The following DPY19L1 variants were observed in gnomAD, a reference collection of about 807,000 sequenced individuals.
DPY19L1 encodes dpy-19 like C-mannosyltransferase 1, also known as protein C-mannosyl-transferase DPY19L1.
In DPY19L1, 35 loss-of-function variants were observed where a neutral mutation model predicts 96.9. That is an observed-to-expected ratio of 0.36 (90% CI 0.28 to 0.48). The LOEUF (loss-of-function observed/expected upper bound fraction) is 0.48. Among genes scored for constraint, DPY19L1 ranks in the 20% least tolerant of loss-of-function variants. The probability of loss-of-function intolerance (pLI) is 0.99; values close to 1 mark genes in which losing one functional copy is unlikely to be tolerated. For synonymous variants in DPY19L1, 205 were observed against 252.6 expected (o/e 0.81, Z 1.79); for missense variants, 521 against 777.9 (o/e 0.67, Z 3.93).
intron 3 of DPY19L1, among the ~76,000 whole-genome samples, chr7:35,016,728 C>A (rs1404969772): frequency 1.3e-5 from 2 of 152,118 alleles, no homozygotes; most frequent in Non-Finnish European, 2.9e-5. Context: ...GTATACAGCA[C>A]CACCTAGGAA....
rs534441651 is a variant in DPY19L1 at position 35,005,801 on chromosome 7, A to G, written c.764+4667T>C. ...ACTCCAGCCTGGGCAACAGAGTGAGATTTCGTCTCAAAAAAAAAAAAAGTT... is the reference window on the plus strand; with the variant it reads ...ACTCCAGCCTGGGCAACAGAGTGAGGTTTCGTCTCAAAAAAAAAAAAAGTT... On this transcript the variant is annotated intron_variant, in intron 6 of 21. Coordinates refer to ENST00000638088, the MANE Select transcript of DPY19L1 (RefSeq NM_001366673.1). Among the ~76,000 whole-genome samples the G allele has an allele frequency of 2.2e-5, 3 of 137,064 alleles. No homozygotes were observed. The East Asian group carries it at 6.2e-4, about 28-fold the overall frequency. The allele number at this position is 137,064 out of a possible 152,430, so 89.9% of individuals were successfully genotyped here.
At chr7:34,961,311 G>C (rs1476210896) in intron 10 of DPY19L1, among the ~76,000 whole-genome samples, 1 of 152,030 alleles carries the variant, frequency 6.6e-6, no homozygotes, top group Non-Finnish European at 1.5e-5. Flanking sequence ...ACAGATCAAG[G>C]GAACAAAATA....
chr7:34,932,039 A>C (rs34489172), intron 21 of DPY19L1, among the ~76,000 whole-genome samples: 8,100 of 152,290 alleles, frequency 0.053, 297 homozygotes, highest in Middle Eastern at 0.18. Flanking sequence ...GGTTCTGGGC[A>C]GGTAGCTTCC....
intron 7 of DPY19L1, among the ~76,000 whole-genome samples, chr7:34,985,287 C>A (rs1202526193): frequency 6.6e-6 from 1 of 152,076 alleles, no homozygotes; most frequent in African/African-American, 2.4e-5. Flanking sequence ...TTGGATAAGA[C>A]TGCAAAAGCA....
At chr7:34,999,056 C>T (rs1005377115) in intron 6 of DPY19L1, among the ~76,000 whole-genome samples, 2 of 152,148 alleles carry the variant, frequency 1.3e-5, no homozygotes, top group African/African-American at 2.4e-5. Flanking sequence ...AAGAGAATGT[C>T]ATTAGGGAAA....
At chr7:34,987,803 G>C (rs188938743) in intron 7 of DPY19L1, among the ~76,000 whole-genome samples, 20 of 151,800 alleles carry the variant, frequency 1.3e-4, no homozygotes, top group Non-Finnish European at 1.5e-4. Context: ...TACCTAAAAC[G>C]AAAATATGTT....
intron 11 of DPY19L1, among the ~76,000 whole-genome samples, chr7:34,957,645 G>C (rs1784406871): frequency 1.3e-5 from 2 of 152,114 alleles, no homozygotes; most frequent in Admixed American, 6.6e-5. Context: ...AGTAACCAAG[G>C]CCTTGATCTT....
intron 10 of DPY19L1, among the ~76,000 whole-genome samples, chr7:34,966,424 A>C (rs1226645337): frequency 6.6e-6 from 1 of 152,000 alleles, no homozygotes; most frequent in African/African-American, 2.4e-5. Context: ...CAACTTCCTA[A>C]GTAGCTAGTA....
chr7:34,988,062 A>G (rs569270405), intron 7 of DPY19L1: 23 of 152,234 alleles, frequency 1.5e-4, no homozygotes, highest in Admixed American at 5.2e-4. Context: ...CTGAAAAGCC[A>G]GTTGAATAGT....
chr7:34,937,994 T>C lies in DPY19L1; in HGVS notation c.2090A>G (p.Lys697Arg). 6.2e-7 allele frequency: 1 copy of C among 1,613,048 alleles called. No individual in the cohort carries two copies. Among genetic ancestry groups the C allele is most frequent in the Non-Finnish European group, 8.5e-7 (1 of 1,179,644 alleles). ...AAATGTTAACTGTGTTGATACTCAC[T>C]TGGATCTTCTTACACACCATGACTC... is the stretch of plus-strand genomic sequence containing the variant. ...LEESWCVRRS[K>R]PGCSMPEIWD... Residue 697 changes from lysine (K) to arginine (R), a missense_variant and splice_region_variant, in exon 21 of 22, where the codon AAG becomes AGG. Lys to Arg is a conservative substitution (Grantham distance 26). Transcript: ENST00000638088.
chr7:34,966,306 CT>C (rs1222800842), intron 10 of DPY19L1, among the ~76,000 whole-genome samples: 2 of 151,868 alleles, frequency 1.3e-5, no homozygotes, highest in East Asian at 3.9e-4. Context: ...AACTTTTTTT[CT>C]TTTTTGTAGA....
intron 3 of DPY19L1, among the ~76,000 whole-genome samples, chr7:35,014,269 C>T (rs1265198548): frequency 6.6e-6 from 1 of 152,068 alleles, no homozygotes; most frequent in Non-Finnish European, 1.5e-5. Context: ...CCTATCAAGT[C>T]AGCATAAGGT....
intron 6 of DPY19L1, among the ~76,000 whole-genome samples, chr7:35,006,447 G>T (rs1176302388): frequency 1.3e-5 from 2 of 152,114 alleles, no homozygotes; most frequent in East Asian, 1.9e-4. Context: ...GAAGAAACTA[G>T]GGGGAAAGTT....
intron 4 of DPY19L1, among the ~76,000 whole-genome samples, chr7:35,012,913 A>G (rs1347368795): frequency 1.3e-5 from 2 of 150,360 alleles, no homozygotes; most frequent in African/African-American, 2.4e-5. Context: ...TTATGTATAT[A>G]TGTATGTGTG....
chr7:34,936,274 G>T (rs1783865894), intron 21 of DPY19L1, among the ~76,000 whole-genome samples: 1 of 151,492 alleles, frequency 6.6e-6, no homozygotes, highest in Non-Finnish European at 1.5e-5. Flanking sequence ...ACCCAAACAT[G>T]AGACTGTTAG....
At chr7:34,946,243 C>T (rs1156499817) in intron 15 of DPY19L1, among the ~76,000 whole-genome samples, 1 of 152,170 alleles carries the variant, frequency 6.6e-6, no homozygotes, top group Non-Finnish European at 1.5e-5. Context: ...TTCTCTACAA[C>T]ACTGATGACA....
chr7:34,960,453 GTA>G (rs972445162), intron 10 of DPY19L1, among the ~76,000 whole-genome samples: 3 of 151,952 alleles, frequency 2.0e-5, no homozygotes, highest in African/African-American at 7.2e-5. Flanking sequence ...TTGATTGTTT[GTA>G]TACAGAAAAA....
chr7:35,037,167 G>A lies in DPY19L1; in HGVS notation c.228C>T (p.Ala76=). 1 of 161,274 alleles carries A rather than the reference G, an allele frequency of 6.2e-6. No individual in the cohort carries two copies. Among genetic ancestry groups the A allele is most frequent in the Non-Finnish European group, 1.3e-5 (1 of 75,862 alleles). The allele number at this position is 161,274 out of a possible 1,614,324, so 10.0% of individuals were successfully genotyped here. A position where few individuals can be genotyped will look rare whatever the true frequency, so the allele number is the denominator to read the frequency against. The change falls in exon 1 of 22, where the codon GCC becomes GCT. Residue 76 remains alanine, a synonymous_variant. Transcript: ENST00000638088. ...GGCCCAGCGCCCAGCGCAGCCGGGC[G>A]GCCAGGCGCCCCCCAAGGCCGCCCC... ...PAGGGLGGRL[A]ARLRWALGLR... is the part of the protein sequence containing the mutation.
intron 13 of DPY19L1, among the ~76,000 whole-genome samples, chr7:34,951,165 C>G (rs1186753602): frequency 1.3e-5 from 2 of 151,934 alleles, no homozygotes; most frequent in Non-Finnish European, 2.9e-5. Flanking sequence ...TCAAAGTACA[C>G]AGAATAAGAA....
Sources: gnomAD v4.1 joint callset for allele counts (sites outside exome capture counted in the v4.1 genomes callset) on GRCh38, gnomAD v4.1.1 for gene constraint, MANE v1.5 for transcripts, NCBI Gene and HGNC (gene_info 2026-07-23, HGNC 2026-07-21) for gene names.